The following RB1 variants were observed in gnomAD, a reference collection of about 807,000 sequenced individuals.
RB1 encodes the protein retinoblastoma-associated protein.
A neutral mutation model predicts 135.4 loss-of-function variants in RB1; 18 were observed. That is an observed-to-expected ratio of 0.13 (90% CI 0.09 to 0.20). The LOEUF (loss-of-function observed/expected upper bound fraction) is 0.20, where lower values mean the gene tolerates loss of function less well. Ranked by LOEUF, RB1 falls within the 10% of genes least tolerant of loss-of-function variation. RB1 has a pLI of 1.00. For missense variants in RB1, 868 were observed against 1,110.0 expected (o/e 0.78, Z 3.10); for synonymous variants, 365 against 373.2 (o/e 0.98, Z 0.25).
At chr13:48,343,172 A>G (rs1236772076) in intron 3 of RB1, among the ~76,000 whole-genome samples, 1 of 152,176 alleles carries the variant, frequency 6.6e-6, no homozygotes, top group Admixed American at 6.5e-5. Context: ...TGAACATGCT[A>G]CAATACTTGA....
chr13:48,348,571 A>T (rs1952518238), intron 5 of RB1, among the ~76,000 whole-genome samples: 1 of 151,682 alleles, frequency 6.6e-6, no homozygotes, highest in Non-Finnish European at 1.5e-5. Flanking sequence ...ATTTGAAACA[A>T]AGTATGTTAT....
At chr13:48,411,549 T>C (rs1948802021) in intron 17 of RB1, 1 of 1,613,670 alleles carries the variant, frequency 6.2e-7, no homozygotes. Context: ...CGATGTAAAG[T>C]AGTAAACTAT....
chr13:48,463,166 T>G (rs1260281893), intron 20 of RB1, among the ~76,000 whole-genome samples: 1 of 152,218 alleles, frequency 6.6e-6, no homozygotes, highest in Non-Finnish European at 1.5e-5. Context: ...AAAATATCTT[T>G]TATTGAAATG....
intron 19 of RB1, among the ~76,000 whole-genome samples, chr13:48,456,677 T>A (rs1275995390): frequency 6.6e-6 from 1 of 152,088 alleles, no homozygotes; most frequent in East Asian, 1.9e-4. Context: ...CAGGAGCAAG[T>A]CAGACATGGA....
chr13:48,381,580 C>T, intron 17 of RB1, 137 bp downstream of exon 17: 1 of 875,118 alleles, frequency 1.1e-6, no homozygotes. Context: ...AGTCTATAGC[C>T]CAAGGATCAA....
chr13:48,451,677 T>C (rs1424215450), intron 17 of RB1, among the ~76,000 whole-genome samples: 1 of 152,040 alleles, frequency 6.6e-6, no homozygotes, highest in Non-Finnish European at 1.5e-5. Flanking sequence ...TTTTTTAGAA[T>C]AGTTTCAGTA....
At chr13:48,437,552 T>G (rs1380533376) in intron 17 of RB1, among the ~76,000 whole-genome samples, 1 of 152,180 alleles carries the variant, frequency 6.6e-6, no homozygotes, top group Non-Finnish European at 1.5e-5. Flanking sequence ...GTTTAAGGCT[T>G]CACTGGGATT....
chr13:48,424,285 G>A (rs914557640), intron 17 of RB1, among the ~76,000 whole-genome samples: 1 of 152,106 alleles, frequency 6.6e-6, no homozygotes, highest in African/African-American at 2.4e-5. Context: ...GTATCATTTC[G>A]AAGTGATTTA....
chr13:48,413,331 G>A (rs1273007974), intron 17 of RB1, among the ~76,000 whole-genome samples: 1 of 152,180 alleles, frequency 6.6e-6, no homozygotes, highest in Non-Finnish European at 1.5e-5. Flanking sequence ...GCCTTCTGCG[G>A]TGCTGGCAAC....
intron 1 of RB1, among the ~76,000 whole-genome samples, chr13:48,305,725 CAT>C (rs1278449649): frequency 1.3e-5 from 2 of 152,192 alleles, no homozygotes; most frequent in Non-Finnish European, 2.9e-5. Flanking sequence ...GTTTCATTAA[CAT>C]AGACAGTTGA....
intron 17 of RB1, among the ~76,000 whole-genome samples, chr13:48,415,150 C>A (rs1381883826): frequency 4.7e-5 from 7 of 150,276 alleles, no homozygotes; most frequent in Middle Eastern, 3.5e-3. Flanking sequence ...TTGAATATGG[C>A]GGCATTTTCT....
intron 17 of RB1, among the ~76,000 whole-genome samples, chr13:48,439,170 T>C (rs1297696735): frequency 6.6e-6 from 1 of 152,212 alleles, no homozygotes; most frequent in East Asian, 1.9e-4. Flanking sequence ...CACTGCTCCA[T>C]CACTTATCAG....
intron 24 of RB1, among the ~76,000 whole-genome samples, chr13:48,475,597 T>A (rs1259495011): frequency 6.6e-6 from 1 of 152,236 alleles, no homozygotes; most frequent in East Asian, 1.9e-4. Flanking sequence ...TGTAATCTAA[T>A]TCTGGAAATG....
chr13:48,459,588 C>G, intron 19 of RB1, 100 bp from the exon 20 acceptor site: 1 of 1,246,044 alleles, frequency 8.0e-7, no homozygotes, highest in Non-Finnish European at 1.2e-6. Flanking sequence ...TAAAATGCTA[C>G]TTAACAGCAT....
intron 17 of RB1, among the ~76,000 whole-genome samples, chr13:48,404,856 A>G (rs1948725912): frequency 6.6e-6 from 1 of 152,150 alleles, no homozygotes; most frequent in Non-Finnish European, 1.5e-5. Context: ...TAATGAGAAA[A>G]TTATAAAAGC....
At chr13:48,479,677 CATAGTT>C (rs1949525967) in intron 26 of RB1, among the ~76,000 whole-genome samples, 1 of 151,276 alleles carries the variant, frequency 6.6e-6, no homozygotes, top group Non-Finnish European at 1.5e-5. Flanking sequence ...ATTGATATAT[CATAGTT>C]ATACATATTT....
chr13:48,413,528 G>A (rs933666367), intron 17 of RB1, among the ~76,000 whole-genome samples: 2 of 152,156 alleles, frequency 1.3e-5, no homozygotes, highest in African/African-American at 2.4e-5. Context: ...TCAAAGAACT[G>A]TTTAATGACT....
At chr13:48,404,777 G>A (rs1948725335) in intron 17 of RB1, among the ~76,000 whole-genome samples, 1 of 151,770 alleles carries the variant, frequency 6.6e-6, no homozygotes, top group South Asian at 2.1e-4. Context: ...CGCCTGCCTC[G>A]GCCTCCCAAA....
intron 4 of RB1, among the ~76,000 whole-genome samples, chr13:48,346,956 G>A (rs1013821594): frequency 6.8e-6 from 1 of 147,132 alleles, no homozygotes; most frequent in Non-Finnish European, 1.5e-5. Flanking sequence ...AATCATCAGG[G>A]TTTTTTTTTT....
Sources: gnomAD v4.1 joint callset for allele counts (sites outside exome capture counted in the v4.1 genomes callset) on GRCh38, gnomAD v4.1.1 for gene constraint, MANE v1.5 for transcripts, NCBI Gene and HGNC (gene_info 2026-07-23, HGNC 2026-07-21) for gene names.